Variants in CEP89 observed in about 807,000 individuals in gnomAD.
CEP89 encodes centrosomal protein 89, also known as centrosomal protein of 89 kDa.
A neutral mutation model predicts 97.6 loss-of-function variants in CEP89; 95 were observed. The ratio of observed to expected loss-of-function variants is 0.97; its 90% confidence interval spans 0.82 to 1.15. CEP89 has a LOEUF of 1.15. Ranked by LOEUF, CEP89 falls within the 50% of genes most tolerant of loss-of-function variation. The pLI is 0.00. For synonymous variants in CEP89, 354 were observed against 349.1 expected, an observed-to-expected ratio of 1.01 and a Z score of -0.16; for missense variants, 869 against 947.7, an observed-to-expected ratio of 0.92 and a Z score of 1.09.
chr19:32,898,275 G>C (rs11084682), intron 16 of CEP89, among the ~76,000 whole-genome samples: 29,813 of 152,026 alleles, frequency 0.2, 3,013 homozygotes, highest in African/African-American at 0.2. Context: ...AAATAAGCCA[G>C]ACCTAGAAAG....
chr19:32,929,276 A>T (rs1970421704), intron 9 of CEP89, among the ~76,000 whole-genome samples: 1 of 152,192 alleles, frequency 6.6e-6, no homozygotes, highest in Non-Finnish European at 1.5e-5. Context: ...GTGCCTTAAG[A>T]GTGATTACAA....
intron 14 of CEP89, among the ~76,000 whole-genome samples, chr19:32,914,459 A>G (rs946677850): frequency 6.6e-6 from 1 of 151,800 alleles, no homozygotes; most frequent in South Asian, 2.1e-4. Context: ...TTTGGTAGAC[A>G]TGCAGTTTCG....
rs377584191 is a variant in CEP89, at chr19:32,901,278, T to C, written c.1700A>G (p.Glu567Gly). The C allele has an allele frequency of 2.5e-6, 4 of 1,613,584 alleles. No homozygotes were observed. ...TTTCTGTGCTCGTTCAAGTTCGGCT[T>C]CCAGTGCTTTGTTTTGCTCTGTCAA... ...NSLTEQNKAL[E>G]AELERAQKIN... is the part of the protein sequence containing the mutation. Residue 567 changes from glutamate to glycine, a missense_variant, in exon 15 of 19, where the codon GAA becomes GGA. Transcript: ENST00000305768.
chr19:32,938,327 C>T (rs539312464), intron 6 of CEP89, among the ~76,000 whole-genome samples: 11 of 152,208 alleles, frequency 7.2e-5, no homozygotes, highest in Non-Finnish European at 1.5e-4. Flanking sequence ...CAGAGATGCC[C>T]TCAGCAAACT....
intron 14 of CEP89, among the ~76,000 whole-genome samples, chr19:32,906,895 G>A (rs1465227997): frequency 6.6e-6 from 1 of 152,064 alleles, no homozygotes; most frequent in Non-Finnish European, 1.5e-5. Flanking sequence ...GTTCCCTGAA[G>A]AAATTTTAGA....
rs778780884 is a variant in CEP89 at position 32,931,479 on chromosome 19, C to T, written c.979G>A (p.Val327Ile). Residue 327 changes from valine to isoleucine, a missense_variant, in exon 9 of 19, where the codon GTA becomes ATA. By Grantham distance (29) the Val-to-Ile change is conservative (BLOSUM62 3). Coordinates refer to ENST00000305768, the MANE Select transcript of CEP89 (RefSeq NM_032816.5). ...GLKMTVHRLNVELSRYQTKFR... is the reference protein window; with the variant it reads ...GLKMTVHRLNIELSRYQTKFR... Reference sequence around the variant, plus strand: ...TTTGTCTGATATCGACTGAGTTCTACATTCAAACGATGGACAGTCATTTTC... The same window carrying T: ...TTTGTCTGATATCGACTGAGTTCTATATTCAAACGATGGACAGTCATTTTC... 6.3e-7 allele frequency: 1 copy of T among 1,595,332 alleles called. No individual in the cohort carries two copies. Among genetic ancestry groups the T allele is most frequent in the Non-Finnish European group, 8.5e-7 (1 of 1,175,750 alleles).
chr19:32,934,011 C>T (rs2145931633), intron 7 of CEP89, among the ~76,000 whole-genome samples: 1 of 152,242 alleles, frequency 6.6e-6, no homozygotes, highest in South Asian at 2.1e-4. Context: ...TGGGTGAATC[C>T]CTCAGGCCAG....
chr19:32,888,047 C>G (rs1599710423), intron 16 of CEP89, among the ~76,000 whole-genome samples: 1 of 152,292 alleles, frequency 6.6e-6, no homozygotes, highest in East Asian at 1.9e-4. Flanking sequence ...TGTGGGGTGC[C>G]CTGCTCGACA....
chr19:32,882,456 G>T (rs1289157832), intron 17 of CEP89, among the ~76,000 whole-genome samples: 1 of 151,806 alleles, frequency 6.6e-6, no homozygotes, highest in African/African-American at 2.4e-5. Flanking sequence ...CCAGCTACTT[G>T]TGAGGCAGAG....
intron 17 of CEP89, among the ~76,000 whole-genome samples, chr19:32,886,385 G>A (rs972811476): frequency 3.3e-5 from 5 of 152,084 alleles, no homozygotes; most frequent in East Asian, 3.9e-4. Context: ...CCTCCACCTC[G>A]CAGCCCCATC....
intron 3 of CEP89, among the ~76,000 whole-genome samples, chr19:32,956,647 G>A (rs1971055721): frequency 6.6e-6 from 1 of 152,066 alleles, no homozygotes; most frequent in Non-Finnish European, 1.5e-5. Flanking sequence ...GATTACAGGT[G>A]TGAACCACCA....
rs765885316 is a variant in CEP89, at chr19:32,876,971, C to G, written c.*2191G>C. 6.6e-6 allele frequency: 1 copy of G among 152,242 alleles called. No individual in the cohort carries two copies. The highest frequency in any genetic ancestry group is 1.5e-5 in the Non-Finnish European group (1 of 68,046). The allele number at this position is 152,242 out of a possible 1,614,324, so 9.4% of individuals were successfully genotyped here. On this transcript the variant is annotated 3_prime_UTR_variant, in exon 19 of 19. Coordinates refer to ENST00000305768, the MANE Select transcript of CEP89 (RefSeq NM_032816.5). ...ACAGTGGTTCTCTAGGTCACGATGG[C>G]GGGAGCAGCATTCCTGCTGACAAGC...
chr19:32,953,526 G>C (rs1970969808), intron 4 of CEP89, 89 bp downstream of exon 4: 2 of 1,033,852 alleles, frequency 1.9e-6, no homozygotes, highest in South Asian at 1.7e-5. Flanking sequence ...ATGCAGAATA[G>C]AGAGAAGAAA....
intron 15 of CEP89, 60 bp from the exon 16 acceptor site, chr19:32,900,058 G>T: frequency 6.7e-7 from 1 of 1,490,334 alleles, no homozygotes; most frequent in Non-Finnish European, 9.3e-7. Context: ...GCTAGGGCAT[G>T]GTGAATATCT....
chr19:32,951,534 T>TATATATATATATATATATACACACACAC (rs1407110112), intron 4 of CEP89, among the ~76,000 whole-genome samples: 13 of 122,028 alleles, frequency 1.1e-4, no homozygotes, highest in African/African-American at 4.4e-4. Context: ...TATATATATA[T>TATATATATATATATATATACACACACAC]ACACACACAC....
At chr19:32,933,935 C>A (rs1970529317) in intron 7 of CEP89, among the ~76,000 whole-genome samples, 1 of 152,170 alleles carries the variant, frequency 6.6e-6, no homozygotes, top group Non-Finnish European at 1.5e-5. Flanking sequence ...GAAAGTTCAT[C>A]TTGCAGGGCA....
Position 32,966,112 on chromosome 19 carries a change from A to G in CEP89, c.146+248T>C, listed in dbSNP as rs1599787227. On this transcript the variant is annotated intron_variant, in intron 2 of 18. Transcript: ENST00000305768. ...TTTAATGCTTTACATTTTTTTTTAA[A>G]TACTCATTGCATTCAATCATGAAAT... 7 of 368,442 alleles carry G rather than the reference A, an allele frequency of 1.9e-5. 1 individual carries two copies. In the East Asian group the frequency reaches 2.8e-4, roughly 15 times the overall value. 22.8% of individuals were successfully genotyped at this position (368,442 alleles called of 1,614,324 possible). A position where few individuals can be genotyped will look rare whatever the true frequency, so the allele number is the denominator to read the frequency against.
chr19:32,899,894 T>G lies in CEP89; in HGVS notation c.1838A>C (p.Glu613Ala). 6.2e-7 allele frequency: 1 copy of G among 1,614,078 alleles called. No homozygotes were observed. The highest frequency in any genetic ancestry group is 1.1e-5 in the South Asian group (1 of 91,072). ...ACTGTCACGTTCCTGGGTTATGTTT[T>G]CTGCCAGGCCAACAAGGTTTGCCAG... The part of the protein sequence containing the change: ...QYLANLVGLA[E>A]NITQERDSLM... The change falls in exon 16 of 19, where the codon GAA (glutamate) becomes GCA (alanine). Residue 613 changes from glutamate (E) to alanine (A), a missense_variant. Glu to Ala is a moderately radical substitution (Grantham distance 107). Transcript: ENST00000305768.
At chr19:32,901,186 C>T in intron 15 of CEP89, 59 bp downstream of exon 15, 1 of 1,536,052 alleles carries the variant, frequency 6.5e-7, no homozygotes, top group Non-Finnish European at 8.9e-7. Context: ...GTACCCAGAC[C>T]ATTTGTCTTT....
Sources: allele counts gnomAD v4.1 joint callset (sites outside exome capture counted in the v4.1 genomes callset), GRCh38; gene constraint gnomAD v4.1.1; transcripts MANE v1.5; gene names NCBI Gene and HGNC (gene_info 2026-07-23, HGNC 2026-07-21).